The following LRP1B variants were observed in gnomAD, a reference collection of about 807,000 sequenced individuals.
The protein encoded by LRP1B is low-density lipoprotein receptor-related protein 1B.
LRP1B carries 217 observed loss-of-function variants against 556.6 expected under a neutral mutation model. The ratio of observed to expected loss-of-function variants is 0.39; its 90% CI spans 0.35 to 0.44. The LOEUF is 0.44. Ranked by LOEUF, LRP1B falls within the 20% of genes least tolerant of loss-of-function variation. The pLI is 1.00. For synonymous variants in LRP1B, 2,047 were observed against 1,865.8 expected, an observed-to-expected ratio of 1.10 and a Z score of -2.50; for missense variants, 5,053 against 5,620.8, an observed-to-expected ratio of 0.90 and a Z score of 3.23.
intron 66 of LRP1B, among the ~76,000 whole-genome samples, chr2:140,429,335 T>C (rs1259145263): frequency 6.6e-6 from 1 of 152,030 alleles, no homozygotes; most frequent in Non-Finnish European, 1.5e-5. Flanking sequence ...ACCCATATAC[T>C]CTCCTATCCT....
intron 1 of LRP1B, among the ~76,000 whole-genome samples, chr2:142,041,428 G>A (rs1187979634): frequency 6.6e-6 from 1 of 151,390 alleles, no homozygotes; most frequent in East Asian, 1.9e-4. Context: ...TGTAGAAAGT[G>A]TATACATGAA....
At chr2:141,016,146 A>C (rs955131866) in intron 12 of LRP1B, among the ~76,000 whole-genome samples, 1 of 152,092 alleles carries the variant, frequency 6.6e-6, no homozygotes, top group African/African-American at 2.4e-5. Context: ...AACTACCACC[A>C]CTATCGCACT....
chr2:140,932,886 T>TACACACACACACAC (rs373649277), intron 20 of LRP1B, among the ~76,000 whole-genome samples: 3,669 of 127,488 alleles, frequency 0.029, 162 homozygotes, highest in East Asian at 0.19. Flanking sequence ...TCTCTCCCTA[T>TACACACACACACAC]ACACACACAC....
chr2:141,269,869 A>T (rs769155180), intron 3 of LRP1B, among the ~76,000 whole-genome samples: 4 of 152,172 alleles, frequency 2.6e-5, no homozygotes, highest in Non-Finnish European at 5.9e-5. Flanking sequence ...TTATAAATAC[A>T]TTTAAAAAAC....
chr2:140,993,783 T>C (rs76538528), intron 16 of LRP1B, among the ~76,000 whole-genome samples: 3,167 of 152,062 alleles, frequency 0.021, 57 homozygotes, highest in Non-Finnish European at 0.03. Flanking sequence ...AATGATAATA[T>C]GAAGGATGGA....
chr2:141,341,783 G>A (rs2105517498), intron 3 of LRP1B, among the ~76,000 whole-genome samples: 1 of 152,224 alleles, frequency 6.6e-6, no homozygotes, highest in African/African-American at 2.4e-5. Flanking sequence ...AAAGATGTCA[G>A]CATCATAAGA....
intron 1 of LRP1B, among the ~76,000 whole-genome samples, chr2:141,819,383 A>G (rs1696680167): frequency 6.6e-6 from 1 of 152,230 alleles, no homozygotes. Context: ...CTACTGTGTG[A>G]TGAGCTTCTA....
intron 7 of LRP1B, among the ~76,000 whole-genome samples, chr2:141,128,395 G>A (rs1272152457): frequency 6.6e-6 from 1 of 152,050 alleles, no homozygotes; most frequent in Non-Finnish European, 1.5e-5. Context: ...TCTCTCCTCT[G>A]ATTCATCCTG....
intron 1 of LRP1B, among the ~76,000 whole-genome samples, chr2:141,948,440 C>A (rs531240811): frequency 6.6e-6 from 1 of 152,036 alleles, no homozygotes; most frequent in African/African-American, 2.4e-5. Context: ...GACCCAGTAA[C>A]ATTATGCCAG....
At chr2:141,788,665 A>G (rs1156977730) in intron 2 of LRP1B, among the ~76,000 whole-genome samples, 1 of 151,622 alleles carries the variant, frequency 6.6e-6, no homozygotes, top group African/African-American at 2.4e-5. Flanking sequence ...TATATCTCCT[A>G]ATGCTATCCC....
At chr2:141,628,343 G>T (rs1196219271) in intron 2 of LRP1B, among the ~76,000 whole-genome samples, 1 of 152,092 alleles carries the variant, frequency 6.6e-6, no homozygotes, top group Non-Finnish European at 1.5e-5. Context: ...AAATTCATTA[G>T]TAGTCTTCTT....
intron 11 of LRP1B, among the ~76,000 whole-genome samples, chr2:141,039,559 C>G (rs962814352): frequency 2.0e-5 from 3 of 151,986 alleles, no homozygotes; most frequent in African/African-American, 7.2e-5. Flanking sequence ...TTTTGACCTT[C>G]CCAGCAATCT....
At chr2:140,911,774 CTTTT>C (rs986376973) in intron 21 of LRP1B, among the ~76,000 whole-genome samples, 13 of 151,782 alleles carry the variant, frequency 8.6e-5, no homozygotes, top group East Asian at 5.8e-4. Context: ...ATGCAACTTC[CTTTT>C]TTTGTTTGTT....
chr2:141,033,692 A>C (rs904712045), intron 11 of LRP1B, among the ~76,000 whole-genome samples: 1 of 152,028 alleles, frequency 6.6e-6, no homozygotes, highest in African/African-American at 2.4e-5. Flanking sequence ...AAGAGGCCAG[A>C]GCTCTTTCTT....
chr2:140,531,043 T>C (rs1690669940), intron 47 of LRP1B, among the ~76,000 whole-genome samples: 1 of 152,166 alleles, frequency 6.6e-6, no homozygotes, highest in African/African-American at 2.4e-5. Flanking sequence ...AATAAACACC[T>C]ACCATACATG....
chr2:141,523,651 G>A (rs1403762276), intron 2 of LRP1B, among the ~76,000 whole-genome samples: 1 of 151,906 alleles, frequency 6.6e-6, no homozygotes, highest in Non-Finnish European at 1.5e-5. Context: ...TTTCTTTAAC[G>A]TAAATTATTA....
chr2:142,063,360 T>C (rs936009480), intron 1 of LRP1B, among the ~76,000 whole-genome samples: 1 of 151,570 alleles, frequency 6.6e-6, no homozygotes. Flanking sequence ...AATTATATAA[T>C]AGCTTTTGCA....
intron 66 of LRP1B, among the ~76,000 whole-genome samples, chr2:140,398,193 G>A (rs1219356200): frequency 1.3e-5 from 2 of 152,076 alleles, no homozygotes; most frequent in Admixed American, 6.6e-5. Context: ...AACCAAGGTG[G>A]AAAGTGAAGA....
In LRP1B at chr2:141,188,308, T is replaced by A. The variant is rs1681351878; in HGVS notation, c.1013+113A>T. ...CGACACAGTTGTTAAAATCAACATT[T>A]CTAAAAAGTTTGAGTCTGTAGTCTT... is the stretch of plus-strand genomic sequence containing the variant. On this transcript the variant is annotated intron_variant, in intron 7 of 90. Transcript: ENST00000389484. 3 of 999,654 alleles carry A rather than the reference T, an allele frequency of 3.0e-6. No individual in the cohort carries two copies. In the East Asian group the frequency reaches 7.8e-5, roughly 26 times the overall value. The allele number at this position is 999,654 out of a possible 1,614,324, so 61.9% of individuals were successfully genotyped here.
Sources: gnomAD v4.1 joint callset for allele counts (sites outside exome capture counted in the v4.1 genomes callset) on GRCh38, gnomAD v4.1.1 for gene constraint, MANE v1.5 for transcripts, NCBI Gene and HGNC (gene_info 2026-07-23, HGNC 2026-07-21) for gene names.